IHO1: variants seen among roughly 807,000 people sequenced by gnomAD.
IHO1 encodes interactor of HORMAD1 protein 1.
Under a neutral mutation model 31.0 loss-of-function variants are expected in IHO1, and 13 were observed. That is an observed-to-expected ratio of 0.42 (90% CI 0.27 to 0.67). The LOEUF is 0.67. Among genes scored for constraint, IHO1 ranks in the 30% least tolerant of loss-of-function variants. The probability of loss-of-function intolerance (pLI) is 0.24; values close to 1 mark genes in which losing one functional copy is unlikely to be tolerated. For missense variants in IHO1, 599 were observed against 687.5 expected, an observed-to-expected ratio of 0.87 and a Z score of 1.44; for synonymous variants, 221 against 248.4, an observed-to-expected ratio of 0.89 and a Z score of 1.04.
chr3:49,240,496 T>G (rs768956866), intron 3 of IHO1, among the ~76,000 whole-genome samples: 1 of 152,100 alleles, frequency 6.6e-6, no homozygotes, highest in Non-Finnish European at 1.5e-5. Flanking sequence ...AGTGCTGGGA[T>G]TACAGGCATG....
intron 2 of IHO1, among the ~76,000 whole-genome samples, chr3:49,215,107 G>A (rs570848572): frequency 6.6e-6 from 1 of 150,618 alleles, no homozygotes; most frequent in East Asian, 2.0e-4. Flanking sequence ...CTGGAGTTTA[G>A]TGGCACGATC....
chr3:49,214,242 A>G (rs1328362285), intron 2 of IHO1, among the ~76,000 whole-genome samples: 1 of 152,078 alleles, frequency 6.6e-6, no homozygotes, highest in African/African-American at 2.4e-5. Flanking sequence ...GTTCAGATAT[A>G]TGTTCAGTTG....
At chr3:49,201,890 C>A (rs569260610) in intron 1 of IHO1, among the ~76,000 whole-genome samples, 3 of 152,146 alleles carry the variant, frequency 2.0e-5, no homozygotes, top group Non-Finnish European at 4.4e-5. Context: ...TGCACTCCAA[C>A]CTGGTTAATA....
At chr3:49,207,360 C>T (rs2046152040) in intron 1 of IHO1, among the ~76,000 whole-genome samples, 1 of 151,586 alleles carries the variant, frequency 6.6e-6, no homozygotes, top group Admixed American at 6.6e-5. Flanking sequence ...ATTCTCCTGC[C>T]TCAGCCTCCC....
chr3:49,234,809 A>G (rs2046534265), intron 2 of IHO1, among the ~76,000 whole-genome samples: 1 of 152,150 alleles, frequency 6.6e-6, no homozygotes, highest in African/African-American at 2.4e-5. Context: ...TGTATAATGT[A>G]GGTTTAAAAA....
intron 2 of IHO1, among the ~76,000 whole-genome samples, chr3:49,218,097 C>T (rs190410183): frequency 3.3e-5 from 5 of 152,296 alleles, no homozygotes; most frequent in East Asian, 1.9e-4. Context: ...TCACACTCTC[C>T]GCCCTGCTGT....
At position 49,236,730 on chromosome 3, in the gene IHO1, T is replaced by C. The variant is rs766751340; in HGVS notation, c.231+8T>C. 64 of 1,607,080 alleles carry C rather than the reference T, an allele frequency of 4.0e-5. No individual in the cohort carries two copies. In the Middle Eastern group the frequency reaches 1.5e-3, roughly 38 times the overall value. The stretch of plus-strand genomic sequence containing the variant: ...CAACAGAACTATCTGGAGGTGAGTC[T>C]GGTTTCCAGAATTGATCTGCACACA... On this transcript the variant is annotated splice_region_variant and intron_variant, in intron 3 of 7. Coordinates refer to ENST00000452691, the MANE Select transcript of IHO1 (RefSeq NM_001135197.2).
At chr3:49,207,259 T>C (rs1233147890) in intron 1 of IHO1, among the ~76,000 whole-genome samples, 2 of 151,210 alleles carry the variant, frequency 1.3e-5, no homozygotes, top group Admixed American at 1.3e-4. Flanking sequence ...GTTTTTTTTT[T>C]TTTTTGAGAC....
intron 6 of IHO1, among the ~76,000 whole-genome samples, chr3:49,247,907 T>C (rs1246070759): frequency 1.4e-5 from 2 of 147,748 alleles, no homozygotes; most frequent in South Asian, 2.2e-4. Flanking sequence ...GGTGAATCAC[T>C]TGAGGTCAAG....
chr3:49,203,431 T>TAAGAGC (rs2046096565), intron 1 of IHO1, among the ~76,000 whole-genome samples: 1 of 151,940 alleles, frequency 6.6e-6, no homozygotes, highest in Non-Finnish European at 1.5e-5. Flanking sequence ...TTGTGTAGGG[T>TAAGAGC]AAGAGCAGTG....
rs756502986 is a variant in IHO1, at chr3:49,256,325, T to G, written c.828T>G (p.Pro276=). The G allele has an allele frequency of 5.0e-5, 81 of 1,613,970 alleles. 1 individual carries two copies. The East Asian group carries it at 1.8e-3, about 36-fold the overall frequency. Residue 276 remains proline, a synonymous_variant, in exon 8 of 8, where the codon CCT becomes CCG. Transcript: ENST00000452691. This position sits in a 1 kb window ranked among gnomAD's most constrained non-coding sequence, Gnocchi z 4.6. ...ACAGTGCTTCTCAGACGTCGCCACC[T>G]TTGGCCCAGAGCCTCAATCTCACCA... is the stretch of plus-strand genomic sequence containing the variant. ...VKDSASQTSP[P]LAQSLNLTRQ...
intron 6 of IHO1, among the ~76,000 whole-genome samples, chr3:49,251,664 C>T (rs951533398): frequency 2.9e-4 from 44 of 151,264 alleles, no homozygotes; most frequent in African/African-American, 7.5e-4. Flanking sequence ...TGCAATGGCG[C>T]GATCTCGGCT....
At chr3:49,214,549 A>T (rs1306589474) in intron 2 of IHO1, among the ~76,000 whole-genome samples, 2 of 136,870 alleles carry the variant, frequency 1.5e-5, no homozygotes, top group Non-Finnish European at 3.1e-5. Flanking sequence ...TAATTTCTCA[A>T]AAAAAAAAAT....
upstream of IHO1, among the ~76,000 whole-genome samples, chr3:49,195,884 G>A (rs976798452): frequency 6.7e-6 from 1 of 150,304 alleles, no homozygotes. Context: ...GGCGGATCAC[G>A]AGGTCAGGAG....
At chr3:49,211,047 G>A (rs1215080279) in intron 1 of IHO1, among the ~76,000 whole-genome samples, 20 of 123,820 alleles carry the variant, frequency 1.6e-4, no homozygotes, top group African/African-American at 5.1e-4. Flanking sequence ...TCGCTCTGTC[G>A]CCCAGGCTGG....
At chr3:49,211,921 G>C (rs1017949720) in intron 2 of IHO1, 85 bp downstream of exon 2, 2 of 781,586 alleles carry the variant, frequency 2.6e-6, no homozygotes, top group African/African-American at 3.5e-5. Flanking sequence ...CCAGCACTTT[G>C]GGAGGCCAAG....
chr3:49,212,025 A>G (rs1232571016), intron 2 of IHO1, among the ~76,000 whole-genome samples, 189 bp downstream of exon 2: 2 of 151,788 alleles, frequency 1.3e-5, no homozygotes, highest in Non-Finnish European at 2.9e-5. Flanking sequence ...TTAGCCGGGC[A>G]TGGTGGCGGG....
rs1168732936 is a variant in IHO1 at position 49,256,557 on chromosome 3, C to T, written c.1060C>T (p.Gln354Ter). Residue 354 changes from glutamine to a stop codon, truncating the protein, a stop_gained, in exon 8 of 8, where the codon CAG becomes TAG. Transcript: ENST00000452691. LOFTEE classifies it low-confidence loss of function (END_TRUNC). The surrounding 1 kb of genome is among the most constrained non-coding windows in gnomAD (Gnocchi z 4.6). ...TAGGCATGTAAAGGACAAGGTGGTG[C>T]AGACTAACTGCAAGAACTGGGCTGT... ...RNRHVKDKVV[Q>*]TNCKNWAVTK... The T allele has an allele frequency of 6.2e-7, 1 of 1,614,068 alleles. No homozygotes were observed. Among genetic ancestry groups the T allele is most frequent in the South Asian group, 1.1e-5 (1 of 91,092 alleles).
intron 1 of IHO1, among the ~76,000 whole-genome samples, chr3:49,201,154 C>T (rs765939548): frequency 1.3e-5 from 2 of 152,054 alleles, no homozygotes; most frequent in South Asian, 2.1e-4. Flanking sequence ...CCACCACACC[C>T]GGCTAATTTT....
Sources: gnomAD v4.1 joint callset for allele counts (sites outside exome capture counted in the v4.1 genomes callset) on GRCh38, gnomAD v4.1.1 for gene constraint, Gnocchi (gnomAD v3.1) non-coding constraint, MANE v1.5 for transcripts, NCBI Gene and HGNC (gene_info 2026-07-23, HGNC 2026-07-21) for gene names.